Variants in RFTN1 observed in about 807,000 individuals in gnomAD.
The protein encoded by RFTN1 is raftlin, lipid raft linker 1.
A neutral mutation model predicts 46.5 loss-of-function variants in RFTN1; 26 were observed. The observed-to-expected ratio is 0.56, with a 90% CI of 0.41 to 0.78. The LOEUF is 0.78. Ranked by LOEUF, RFTN1 falls within the 30% of genes least tolerant of loss-of-function variation. The pLI is 0.00. For missense variants in RFTN1, 693 were observed against 718.7 expected (o/e 0.96, Z 0.41); for synonymous variants, 261 against 284.2 (o/e 0.92, Z 0.82).
At chr3:16,372,815 T>C (rs1021427841) in intron 5 of RFTN1, among the ~76,000 whole-genome samples, 5 of 152,170 alleles carry the variant, frequency 3.3e-5, no homozygotes, top group Admixed American at 2.6e-4. Flanking sequence ...GGGGCCAGAC[T>C]GAAGCCAGAG....
chr3:16,494,625 A>T (rs1188785821), intron 1 of RFTN1, among the ~76,000 whole-genome samples: 2 of 152,250 alleles, frequency 1.3e-5, no homozygotes, highest in Non-Finnish European at 2.9e-5. Context: ...AAAGAAAATA[A>T]AGAAATGTTA....
intron 6 of RFTN1, among the ~76,000 whole-genome samples, chr3:16,364,223 GT>G (rs2073009711): frequency 6.6e-6 from 1 of 152,238 alleles, no homozygotes; most frequent in South Asian, 2.1e-4. Flanking sequence ...CTGATTCAGT[GT>G]TAGCTGGACG....
chr3:16,318,870 CTG>C (rs796395739), intron 9 of RFTN1, among the ~76,000 whole-genome samples: 97 of 152,336 alleles, frequency 6.4e-4, no homozygotes, highest in African/African-American at 2.1e-3. Flanking sequence ...TCCACCCAAA[CTG>C]TGAGGATCCC....
In RFTN1 at chr3:16,352,694, G is replaced by A. The variant is rs983448270; in HGVS notation, c.1146+5238C>T. Among the ~76,000 whole-genome samples the A allele has an allele frequency of 6.6e-6, 1 of 152,216 alleles. No homozygotes were observed. Among genetic ancestry groups the A allele is most frequent in the African/African-American group, 2.4e-5 (1 of 41,456 alleles). ...TGACTGACACAGAAAGCAGTATGTA[G>A]TGAGGGCTTACTATGTGCCCAGTCC... is the stretch of plus-strand genomic sequence containing the variant. On this transcript the variant is annotated intron_variant, in intron 7 of 9. Transcript: ENST00000334133. The surrounding 1 kb of genome is among the most constrained non-coding windows in gnomAD (Gnocchi z 4.6).
rs1305830789 is a variant in RFTN1 at position 16,428,771 on chromosome 3, A to G, written c.332+5080T>C. On this transcript the variant is annotated intron_variant, in intron 3 of 9. Coordinates refer to ENST00000334133, the MANE Select transcript of RFTN1 (RefSeq NM_015150.2). This position sits in a 1 kb window ranked among gnomAD's most constrained non-coding sequence, Gnocchi z 4.7. The stretch of plus-strand genomic sequence containing the variant: ...CCATGCATTTTTGTACTGCAGTTAC[A>G]TCTATAACCATAAAACAACCTAGAA... 6.6e-6 allele frequency among the ~76,000 whole-genome samples: 1 copy of G among 152,234 alleles called. No individual in the cohort carries two copies. Among genetic ancestry groups the G allele is most frequent in the African/African-American group, 2.4e-5 (1 of 41,470 alleles).
chr3:16,351,250 G>A lies in RFTN1; in HGVS notation c.1146+6682C>T, dbSNP rs150780933. Among the ~76,000 whole-genome samples, 1,659 of 152,272 alleles carry A rather than the reference G, an allele frequency of 0.011. 15 individuals carry two copies. Among genetic ancestry groups the A allele is most frequent in the Middle Eastern group, 0.027 (8 of 294 alleles). On this transcript the variant is annotated intron_variant, in intron 7 of 9. Coordinates refer to ENST00000334133, the MANE Select transcript of RFTN1 (RefSeq NM_015150.2). This position sits in a 1 kb window ranked among gnomAD's most constrained non-coding sequence, Gnocchi z 5.4. The stretch of plus-strand genomic sequence containing the variant: ...GCACTGGTGGAGAGATTCCTGCAGC[G>A]CGCCAAGGACTGTGTCCTTGATCCA...
chr3:16,471,214 A>G (rs75755491), intron 2 of RFTN1, among the ~76,000 whole-genome samples: 1,836 of 152,358 alleles, frequency 0.012, 41 homozygotes, highest in African/African-American at 0.042. Flanking sequence ...ATCAAGGCCT[A>G]TAATGCCTAT....
chr3:16,343,310 TG>T (rs1222472012), intron 7 of RFTN1, among the ~76,000 whole-genome samples: 8 of 152,216 alleles, frequency 5.3e-5, no homozygotes, highest in Admixed American at 2.6e-4. Context: ...CCACTTCCTC[TG>T]CTAAAGAGTT....
rs1376386237 is a variant in RFTN1, at chr3:16,346,468, C to T, written c.1146+11464G>A. 2.0e-5 allele frequency: 3 copies of T among 152,176 alleles called. No individual in the cohort carries two copies. The highest frequency in any genetic ancestry group is 7.2e-5 in the African/African-American group (3 of 41,444). The allele number at this position is 152,176 out of a possible 1,614,324, so 9.4% of individuals were successfully genotyped here. On this transcript the variant is annotated intron_variant, in intron 7 of 9. Coordinates refer to ENST00000334133, the MANE Select transcript of RFTN1 (RefSeq NM_015150.2). The surrounding 1 kb of genome is among the most constrained non-coding windows in gnomAD (Gnocchi z 4.4). ...TTTGTCATCTCATTATCCAAACCGT[C>T]AACAAGTCCAGTCTTCTTGAAAATA... is the stretch of plus-strand genomic sequence containing the variant.
At chr3:16,362,755 T>G (rs1411197547) in intron 6 of RFTN1, among the ~76,000 whole-genome samples, 2 of 152,194 alleles carry the variant, frequency 1.3e-5, no homozygotes, top group Admixed American at 6.5e-5. Flanking sequence ...CTTTCAGTAC[T>G]TAAGTGCTTA....
rs976084096 is a variant in RFTN1 at position 16,322,063 on chromosome 3, G to T, written c.1332+1313C>A. 1.3e-5 allele frequency among the ~76,000 whole-genome samples: 2 copies of T among 152,210 alleles called. No individual in the cohort carries two copies. The highest frequency in any genetic ancestry group is 2.9e-5 in the Non-Finnish European group (2 of 68,032). Reference sequence around the variant, plus strand: ...CTGACAGGGGCCCTTTGCGTGCTGTGTGTTGAATGTTGCACTTGCTGAATG... The same window carrying T: ...CTGACAGGGGCCCTTTGCGTGCTGTTTGTTGAATGTTGCACTTGCTGAATG... On this transcript the variant is annotated intron_variant, in intron 9 of 9. Coordinates refer to ENST00000334133, the MANE Select transcript of RFTN1 (RefSeq NM_015150.2). This position sits in a 1 kb window ranked among gnomAD's most constrained non-coding sequence, Gnocchi z 6.2.
chr3:16,398,073 C>T (rs1200975346), intron 4 of RFTN1, among the ~76,000 whole-genome samples: 11 of 151,906 alleles, frequency 7.2e-5, no homozygotes, highest in Admixed American at 3.3e-4. Flanking sequence ...GGTGAAACCC[C>T]GTCTCTACTA....
chr3:16,380,482 A>G lies in RFTN1; in HGVS notation c.442-2380T>C, dbSNP rs1575183292. On this transcript the variant is annotated intron_variant, in intron 4 of 9. Coordinates refer to ENST00000334133, the MANE Select transcript of RFTN1 (RefSeq NM_015150.2). The surrounding 1 kb of genome is among the most constrained non-coding windows in gnomAD (Gnocchi z 4.8). ...GACTGGAGGAATTGGAGAGGCTTGG[A>G]CACAGACACCTGCCCTTCTCCCACA... is the stretch of plus-strand genomic sequence containing the variant. Among the ~76,000 whole-genome samples, 1 of 152,124 alleles carries G rather than the reference A, an allele frequency of 6.6e-6. No homozygotes were observed. The highest frequency in any genetic ancestry group is 1.5e-5 in the Non-Finnish European group (1 of 68,014).
rs1250044148 is a variant in RFTN1, at chr3:16,327,061, G to A, written c.1147-185C>T. ...AGTTTGGAGTCAAACTGCCAACATGGGATTTCCTTCTGGGCCCCATTTCAG... is the reference window on the plus strand; with the variant it reads ...AGTTTGGAGTCAAACTGCCAACATGAGATTTCCTTCTGGGCCCCATTTCAG... On this transcript the variant is annotated intron_variant, in intron 7 of 9. Coordinates refer to ENST00000334133, the MANE Select transcript of RFTN1 (RefSeq NM_015150.2). The surrounding 1 kb of genome is among the most constrained non-coding windows in gnomAD (Gnocchi z 4.2). Among the ~76,000 whole-genome samples, 1 of 152,156 alleles carries A rather than the reference G, an allele frequency of 6.6e-6. No individual in the cohort carries two copies. The highest frequency in any genetic ancestry group is 6.5e-5 in the Admixed American group (1 of 15,282).
intron 2 of RFTN1, among the ~76,000 whole-genome samples, chr3:16,470,507 G>A (rs1026258319): frequency 6.6e-6 from 1 of 152,172 alleles, no homozygotes; most frequent in African/African-American, 2.4e-5. Context: ...ACTTCAGCTG[G>A]TAGAATATGA....
chr3:16,408,942 T>C (rs995213335), intron 4 of RFTN1, among the ~76,000 whole-genome samples: 1 of 152,224 alleles, frequency 6.6e-6, no homozygotes, highest in South Asian at 2.1e-4. Flanking sequence ...TCCCTGCAAC[T>C]ACGCAGTTTT....
chr3:16,330,826 C>T (rs2070236794), intron 7 of RFTN1, among the ~76,000 whole-genome samples: 1 of 152,272 alleles, frequency 6.6e-6, no homozygotes, highest in Admixed American at 6.5e-5. Flanking sequence ...GTAGAGTTTA[C>T]TAAGAAATAT....
chr3:16,347,275 G>A (rs943855348), intron 7 of RFTN1, among the ~76,000 whole-genome samples: 6 of 152,300 alleles, frequency 3.9e-5, no homozygotes, highest in East Asian at 1.9e-4. Context: ...CTGGAGAGAC[G>A]TCCATGCATG....
intron 2 of RFTN1, among the ~76,000 whole-genome samples, chr3:16,455,627 GGTGTTGGGGGTGGAGGTGTCTGCT>G (rs1297585663): frequency 1.2e-4 from 18 of 152,290 alleles, no homozygotes; most frequent in Admixed American, 5.2e-4. Flanking sequence ...CCAGTATATT[GGTGTTGGGGGTGGAGGTGTCTGCT>G]GTGTTCAAAG....
Sources: gnomAD v4.1 joint callset for allele counts (sites outside exome capture counted in the v4.1 genomes callset) on GRCh38, gnomAD v4.1.1 for gene constraint, Gnocchi (gnomAD v3.1) non-coding constraint, MANE v1.5 for transcripts, NCBI Gene and HGNC (gene_info 2026-07-23, HGNC 2026-07-21) for gene names.